The following RBFOX1 variants were observed in gnomAD, a reference collection of about 807,000 sequenced individuals.
The protein encoded by RBFOX1 is RNA binding fox-1 homolog 1.
In RBFOX1, 8 loss-of-function variants were observed where a neutral mutation model predicts 57.7. The ratio of observed to expected loss-of-function variants is 0.14; its 90% CI spans 0.08 to 0.25. The LOEUF is 0.25. Among genes scored for constraint, RBFOX1 ranks in the 10% least tolerant of loss-of-function variants. RBFOX1 has a pLI of 1.00. For missense variants in RBFOX1, 611 were observed against 548.5 expected (o/e 1.11, Z -1.14); for synonymous variants, 326 against 222.4 (o/e 1.47, Z -4.15).
chr16:5,643,140 C>T (rs1250303004), intron 3 of RBFOX1, among the ~76,000 whole-genome samples: 1 of 152,092 alleles, frequency 6.6e-6, no homozygotes, highest in Non-Finnish European at 1.5e-5. Flanking sequence ...CAGATGCTAG[C>T]ATTATGGTTG....
intron 3 of RBFOX1, among the ~76,000 whole-genome samples, chr16:6,657,584 A>C (rs1295470014): frequency 6.6e-6 from 1 of 152,098 alleles, no homozygotes; most frequent in Non-Finnish European, 1.5e-5. Flanking sequence ...AGGAAATTTC[A>C]CCACTGGAGT....
intron 3 of RBFOX1, among the ~76,000 whole-genome samples, chr16:5,776,424 G>A (rs2054151944): frequency 6.6e-6 from 1 of 152,190 alleles, no homozygotes; most frequent in Admixed American, 6.5e-5. Flanking sequence ...CCCTCTGTGT[G>A]AATTGGTTGA....
chr16:5,663,371 ATTTTT>A (rs756775964), intron 3 of RBFOX1, among the ~76,000 whole-genome samples: 10 of 142,256 alleles, frequency 7.0e-5, no homozygotes, highest in Non-Finnish European at 1.5e-4. Context: ...TGCCCAGCTA[ATTTTT>A]TTTTTTTTTT....
intron 3 of RBFOX1, among the ~76,000 whole-genome samples, chr16:6,830,231 A>C (rs1007610041): frequency 1.3e-5 from 2 of 152,172 alleles, no homozygotes; most frequent in Non-Finnish European, 2.9e-5. Flanking sequence ...GTATTTTCTT[A>C]ATGTGTGTGA....
chr16:6,230,919 G>A lies in RBFOX1; in HGVS notation c.-126-86076G>A, dbSNP rs184102512. ...ATCCTTTATGCAGACAGTGTCAAAT[G>A]TTGGTAGAAAATGAAGTAGATGTAG... On this transcript the variant is annotated intron_variant, in intron 1 of 15. Transcript: ENST00000550418. 1.6e-4 allele frequency among the ~76,000 whole-genome samples: 24 copies of A among 152,294 alleles called. 1 individual carries two copies. Among genetic ancestry groups the A allele is most frequent in the Admixed American group, 1.6e-3 (24 of 15,296 alleles).
intron 2 of RBFOX1, among the ~76,000 whole-genome samples, chr16:6,550,640 C>G (rs1194400665): frequency 1.3e-5 from 2 of 152,218 alleles, no homozygotes; most frequent in Non-Finnish European, 2.9e-5. Flanking sequence ...TGGCACACTT[C>G]TAATTCTTTC....
At chr16:6,195,499 C>T (rs1187411964) in intron 1 of RBFOX1, among the ~76,000 whole-genome samples, 1 of 152,092 alleles carries the variant, frequency 6.6e-6, no homozygotes, top group Non-Finnish European at 1.5e-5. Context: ...GGGCCAATCA[C>T]CTGAGGTCGG....
chr16:7,482,802 C>G (rs2064336612), intron 4 of RBFOX1, among the ~76,000 whole-genome samples: 1 of 152,116 alleles, frequency 6.6e-6, no homozygotes, highest in South Asian at 2.1e-4. Context: ...GTAAATGAGT[C>G]CTCCCACAAG....
chr16:5,942,657 T>A (rs186667220), intron 4 of RBFOX1, among the ~76,000 whole-genome samples: 2 of 152,320 alleles, frequency 1.3e-5, no homozygotes, highest in East Asian at 3.9e-4. Context: ...AGGTCTATTA[T>A]GTTTTAAAAT....
chr16:6,462,696 C>T (rs1272815491), intron 2 of RBFOX1, among the ~76,000 whole-genome samples: 1 of 150,266 alleles, frequency 6.7e-6, no homozygotes, highest in Non-Finnish European at 1.5e-5. Context: ...CATGTTTTTA[C>T]CCCCCACCGC....
rs1596305606 is a variant in RBFOX1, at chr16:7,354,115, G to A, written c.28-164032G>A. Among the ~76,000 whole-genome samples, 3 of 152,084 alleles carry A rather than the reference G, an allele frequency of 2.0e-5. No homozygotes were observed. In the East Asian group the frequency reaches 5.8e-4, roughly 29 times the overall value. ...GCCTCCTGAGTATCTGGGATTACAG[G>A]ATCTGCCACCACGCCCAGCTAATTT... On this transcript the variant is annotated intron_variant, in intron 4 of 15. Coordinates refer to ENST00000550418, the MANE Select transcript of RBFOX1 (RefSeq NM_018723.4).
chr16:6,161,658 C>A (rs940085064), intron 1 of RBFOX1, among the ~76,000 whole-genome samples: 1 of 152,122 alleles, frequency 6.6e-6, no homozygotes, highest in Admixed American at 6.6e-5. Flanking sequence ...TGGTAGAGCC[C>A]CTTTGAAAGA....
At chr16:5,965,212 C>T (rs990584461) in intron 4 of RBFOX1, among the ~76,000 whole-genome samples, 2 of 152,132 alleles carry the variant, frequency 1.3e-5, no homozygotes, top group African/African-American at 2.4e-5. Flanking sequence ...TGAACAAGTT[C>T]TGGAGACCTA....
chr16:6,583,457 A>C (rs1342372732), intron 2 of RBFOX1, among the ~76,000 whole-genome samples: 1 of 152,230 alleles, frequency 6.6e-6, no homozygotes, highest in Non-Finnish European at 1.5e-5. Context: ...ATCTCACACT[A>C]GCCCTGTGGA....
intron 1 of RBFOX1, among the ~76,000 whole-genome samples, chr16:6,202,216 C>G (rs12103273): frequency 0.24 from 35,960 of 152,050 alleles, 4,573 homozygotes; most frequent in African/African-American, 0.3. Flanking sequence ...TTATTTAGAG[C>G]CTAATTTTCA....
rs183724664 is a variant in RBFOX1, at chr16:6,764,506, A to G, written c.-16+109856A>G. On this transcript the variant is annotated intron_variant, in intron 3 of 15. Coordinates refer to ENST00000550418, the MANE Select transcript of RBFOX1 (RefSeq NM_018723.4). ...CCATTCATTCATCCCACGGATGCTT[A>G]TTGAATGTCCACTCAATGTTGGAGC... 3.3e-5 allele frequency among the ~76,000 whole-genome samples: 5 copies of G among 152,282 alleles called. No homozygotes were observed. The East Asian group carries it at 9.7e-4, about 29-fold the overall frequency.
intron 4 of RBFOX1, among the ~76,000 whole-genome samples, chr16:7,433,635 T>C (rs778517858): frequency 5.9e-5 from 9 of 152,304 alleles, no homozygotes; most frequent in Non-Finnish European, 1.3e-4. Flanking sequence ...GTCTGGGAGA[T>C]AGGTTACCAA....
intron 3 of RBFOX1, among the ~76,000 whole-genome samples, chr16:6,944,317 C>A (rs1042086994): frequency 5.3e-5 from 8 of 151,122 alleles, no homozygotes; most frequent in African/African-American, 1.9e-4. Context: ...ATCGCTTGAA[C>A]CGAAGAGGCG....
At chr16:7,280,025 C>T (rs115416700) in intron 4 of RBFOX1, among the ~76,000 whole-genome samples, 52 of 152,320 alleles carry the variant, frequency 3.4e-4, no homozygotes, top group African/African-American at 1.3e-3. Flanking sequence ...ATCACCTGCT[C>T]TGAAGGTGTT....
Sources: allele counts gnomAD v4.1 joint callset (sites outside exome capture counted in the v4.1 genomes callset), GRCh38; gene constraint gnomAD v4.1.1; transcripts MANE v1.5; gene names NCBI Gene and HGNC (gene_info 2026-07-23, HGNC 2026-07-21).